CDH4: variants seen among roughly 807,000 people sequenced by gnomAD.
The protein encoded by CDH4 is cadherin 4.
A neutral mutation model predicts 86.0 loss-of-function variants in CDH4; 33 were observed. The observed-to-expected ratio is 0.38, with a 90% CI of 0.29 to 0.51. The LOEUF (loss-of-function observed/expected upper bound fraction) is 0.51, where lower values mean the gene tolerates loss of function less well. Ranked by LOEUF, CDH4 falls within the 20% of genes least tolerant of loss-of-function variation. The pLI, the probability that CDH4 is intolerant of heterozygous loss-of-function variation, is 0.86. For missense variants in CDH4, 1,114 were observed against 1,307.4 expected (o/e 0.85, Z 2.28); for synonymous variants, 555 against 549.4 (o/e 1.01, Z -0.14).
rs1019038503 is a variant in CDH4 at position 61,660,214 on chromosome 20, G to A, written c.170-83349G>A. Among the ~76,000 whole-genome samples the A allele has an allele frequency of 4.6e-5, 7 of 152,150 alleles. No homozygotes were observed. The South Asian group carries it at 6.2e-4, about 14-fold the overall frequency. On this transcript the variant is annotated intron_variant, in intron 2 of 15. Coordinates refer to ENST00000614565, the MANE Select transcript of CDH4 (RefSeq NM_001794.5). ...GCAGCCCCCATGGGAGCCAGAGGCCGCCCCTCCCCGTCTTTCCTTCTTGTC... is the reference window on the plus strand; with the variant it reads ...GCAGCCCCCATGGGAGCCAGAGGCCACCCCTCCCCGTCTTTCCTTCTTGTC...
At chr20:61,686,452 C>CGT (rs144237468) in intron 2 of CDH4, among the ~76,000 whole-genome samples, 19,676 of 146,450 alleles carry the variant, frequency 0.13, 1,686 homozygotes, top group East Asian at 0.36. Context: ...CGTGTGCATT[C>CGT]GTGTGTGTGC....
intron 3 of CDH4, among the ~76,000 whole-genome samples, chr20:61,762,459 A>G (rs1179049711): frequency 1.3e-5 from 2 of 152,208 alleles, no homozygotes; most frequent in South Asian, 2.1e-4. Context: ...ATCTTCACAG[A>G]AAAGGAGGGC....
At chr20:61,403,218 C>T (rs564815103) in intron 2 of CDH4, among the ~76,000 whole-genome samples, 1 of 152,270 alleles carries the variant, frequency 6.6e-6, no homozygotes, top group Non-Finnish European at 1.5e-5. Flanking sequence ...GAGCAGGAGG[C>T]GGGTCTTGAT....
At chr20:61,428,826 G>A (rs778247841) in intron 2 of CDH4, among the ~76,000 whole-genome samples, 1 of 152,172 alleles carries the variant, frequency 6.6e-6, no homozygotes, top group Non-Finnish European at 1.5e-5. Flanking sequence ...TGGGGAGAGA[G>A]AGATAGTGAG....
At chr20:61,390,352 CG>C (rs1384625138) in intron 2 of CDH4, among the ~76,000 whole-genome samples, 1 of 130,332 alleles carries the variant, frequency 7.7e-6, no homozygotes, top group African/African-American at 3.2e-5. Context: ...TAGGAAACCC[CG>C]ATTGGGTTCG....
At chr20:61,383,394 T>TATG (rs374399330) in intron 2 of CDH4, among the ~76,000 whole-genome samples, 44 of 1,336 alleles carry the variant, frequency 0.033, 8 homozygotes, top group East Asian at 0.33. Context: ...TATGAATATA[T>TATG]GATATATATG....
At chr20:61,680,316 C>T (rs540223992) in intron 2 of CDH4, among the ~76,000 whole-genome samples, 68 of 152,348 alleles carry the variant, frequency 4.5e-4, no homozygotes, top group East Asian at 2.3e-3. Flanking sequence ...CTGTGGGACC[C>T]GCACTAGGGC....
chr20:61,337,814 C>T (rs901020649), intron 2 of CDH4, among the ~76,000 whole-genome samples: 1 of 152,098 alleles, frequency 6.6e-6, no homozygotes, highest in African/African-American at 2.4e-5. Flanking sequence ...AACCTGTGCC[C>T]GCACCAATCA....
intron 9 of CDH4, among the ~76,000 whole-genome samples, chr20:61,914,926 T>C (rs6121844): frequency 0.21 from 31,455 of 152,052 alleles, 5,856 homozygotes; most frequent in African/African-American, 0.48. Flanking sequence ...AGAGAACTAG[T>C]GCCGTCCCTA....
chr20:61,517,515 G>A lies in CDH4; in HGVS notation c.170-226048G>A, dbSNP rs2427161. 7.9e-5 allele frequency among the ~76,000 whole-genome samples: 12 copies of A among 151,714 alleles called. No homozygotes were observed. Among genetic ancestry groups the A allele is most frequent in the African/African-American group, 2.9e-4 (12 of 41,338 alleles). On this transcript the variant is annotated intron_variant, in intron 2 of 15. Coordinates refer to ENST00000614565, the MANE Select transcript of CDH4 (RefSeq NM_001794.5). The surrounding 1 kb of genome is among the most constrained non-coding windows in gnomAD (Gnocchi z 6.6). The stretch of plus-strand genomic sequence containing the variant: ...TGGCCTATAGACTTTTGTGTCTGGC[G>A]GCTTTTAAGAGTCAGACTTGTTTAT...
chr20:61,642,827 C>T (rs1467973169), intron 2 of CDH4, among the ~76,000 whole-genome samples: 2 of 152,152 alleles, frequency 1.3e-5, no homozygotes, highest in African/African-American at 4.8e-5. Flanking sequence ...GCTCCTTCCC[C>T]CATCTCTGAA....
chr20:61,385,333 C>T (rs1227822406), intron 2 of CDH4, among the ~76,000 whole-genome samples: 5 of 152,140 alleles, frequency 3.3e-5, no homozygotes, highest in African/African-American at 4.8e-5. Flanking sequence ...TGTCTTCTTT[C>T]CCCACAACCA....
chr20:61,734,010 C>A (rs555558926), intron 2 of CDH4, among the ~76,000 whole-genome samples: 66 of 152,338 alleles, frequency 4.3e-4, no homozygotes, highest in African/African-American at 1.6e-3. Flanking sequence ...TGGTTCCCAG[C>A]GCAGGCTGTC....
chr20:61,743,440 A>G, intron 2 of CDH4, 123 bp from the exon 3 acceptor site: 1 of 697,510 alleles, frequency 1.4e-6, no homozygotes, highest in Non-Finnish European at 2.5e-6. Context: ...TGGAGAAATC[A>G]GTGCAAACCT....
At chr20:61,657,945 A>T (rs1009349417) in intron 2 of CDH4, among the ~76,000 whole-genome samples, 2 of 152,044 alleles carry the variant, frequency 1.3e-5, no homozygotes, top group Admixed American at 1.3e-4. Context: ...GTGGGAGCCA[A>T]TGGCACTGTG....
chr20:61,911,528 T>C (rs1027203744), intron 9 of CDH4, among the ~76,000 whole-genome samples: 3 of 152,204 alleles, frequency 2.0e-5, no homozygotes, highest in Admixed American at 6.5e-5. Flanking sequence ...CAAGAGCACA[T>C]TGGGCATTTT....
chr20:61,431,769 A>G (rs2145516517), intron 2 of CDH4, among the ~76,000 whole-genome samples: 1 of 152,250 alleles, frequency 6.6e-6, no homozygotes, highest in East Asian at 1.9e-4. Context: ...ATTCCTCCCA[A>G]AAGTTCACTT....
rs557751249 is a variant in CDH4 at position 61,413,339 on chromosome 20, C to T, written c.169+158402C>T. 1.5e-3 allele frequency among the ~76,000 whole-genome samples: 232 copies of T among 152,260 alleles called. 1 individual carries two copies. Among genetic ancestry groups the T allele is most frequent in the Admixed American group, 3.1e-3 (47 of 15,296 alleles). ...GGCTTTTGGCTTTTGTCCTGGCAGT[C>T]AGGACCCTAGTGGAGGGGAGGGGTG... On this transcript the variant is annotated intron_variant, in intron 2 of 15. Coordinates refer to ENST00000614565, the MANE Select transcript of CDH4 (RefSeq NM_001794.5).
intron 8 of CDH4, among the ~76,000 whole-genome samples, chr20:61,897,965 G>A (rs559960555): frequency 4.1e-4 from 63 of 152,356 alleles, no homozygotes; most frequent in African/African-American, 1.5e-3. Context: ...ACATGCTAGT[G>A]GGTGGACAAT....
Sources: allele counts gnomAD v4.1 joint callset (sites outside exome capture counted in the v4.1 genomes callset), GRCh38; gene constraint gnomAD v4.1.1; non-coding constraint Gnocchi (gnomAD v3.1); transcripts MANE v1.5; gene names NCBI Gene and HGNC (gene_info 2026-07-23, HGNC 2026-07-21).